Variants in CORO1C observed in about 807,000 individuals in gnomAD.
The protein encoded by CORO1C is coronin 1C.
A neutral mutation model predicts 51.2 loss-of-function variants in CORO1C; 14 were observed. That is an observed-to-expected ratio of 0.27 (90% confidence interval 0.18 to 0.43). The LOEUF (loss-of-function observed/expected upper bound fraction) is 0.43. Ranked by LOEUF, CORO1C falls within the 20% of genes least tolerant of loss-of-function variation. The pLI is 1.00. For missense variants in CORO1C, 417 were observed against 607.8 expected, an observed-to-expected ratio of 0.69 and a Z score of 3.30; for synonymous variants, 181 against 210.5, an observed-to-expected ratio of 0.86 and a Z score of 1.21.
chr12:108,718,970 CAAAT>C (rs1456284879), intron 1 of CORO1C, among the ~76,000 whole-genome samples: 3 of 152,208 alleles, frequency 2.0e-5, no homozygotes, highest in East Asian at 1.9e-4. Flanking sequence ...GAAGTGAAGA[CAAAT>C]AAACACGGCC....
At chr12:108,712,625 C>G (rs1443483732) in intron 1 of CORO1C, among the ~76,000 whole-genome samples, 2 of 139,486 alleles carry the variant, frequency 1.4e-5, no homozygotes, top group Non-Finnish European at 3.1e-5. Flanking sequence ...TATAAGCCTA[C>G]ATAGAATACA....
intron 1 of CORO1C, among the ~76,000 whole-genome samples, chr12:108,725,892 A>G (rs1202023287): frequency 1.3e-5 from 2 of 152,034 alleles, no homozygotes; most frequent in East Asian, 1.9e-4. Context: ...CTGGAGTGTG[A>G]TGGCGCAGTC....
chr12:108,727,366 A>C (rs1200019437), intron 1 of CORO1C, among the ~76,000 whole-genome samples: 1 of 152,236 alleles, frequency 6.6e-6, no homozygotes, highest in Non-Finnish European at 1.5e-5. Flanking sequence ...TAGAAGTAGA[A>C]AGGCGATGAA....
At chr12:108,703,085 A>G in intron 1 of CORO1C, 1 of 808,544 alleles carries the variant, frequency 1.2e-6, no homozygotes, top group South Asian at 2.3e-5. Context: ...AGGAAAGCAC[A>G]TCTATACAAA....
intron 7 of CORO1C, among the ~76,000 whole-genome samples, chr12:108,653,943 A>G (rs548920895): frequency 1.7e-4 from 26 of 152,364 alleles, no homozygotes; most frequent in African/African-American, 6.3e-4. Context: ...CATCCCTGAC[A>G]TAAGTACAGA....
Position 108,646,526 on chromosome 12 carries a change from A to G in CORO1C, c.*877T>C, listed in dbSNP as rs1429255606. ...CATGATGTTTAAAGTGATGAATGCA[A>G]TATGATCCTAGGTGTGTAACAAACT... On this transcript the variant is annotated 3_prime_UTR_variant, in exon 11 of 11. Transcript: ENST00000261401. 1 of 152,252 alleles carries G rather than the reference A, an allele frequency of 6.6e-6. No individual in the cohort carries two copies. The highest frequency in any genetic ancestry group is 2.4e-5 in the African/African-American group (1 of 41,466). The allele number at this position is 152,252 out of a possible 1,614,324, so 9.4% of individuals were successfully genotyped here. A position where few individuals can be genotyped will look rare whatever the true frequency, so the allele number is the denominator to read the frequency against.
chr12:108,691,539 C>T (rs1051098426), intron 2 of CORO1C, among the ~76,000 whole-genome samples: 1 of 152,190 alleles, frequency 6.6e-6, no homozygotes, highest in Non-Finnish European at 1.5e-5. Flanking sequence ...CAGACTGGCA[C>T]GCTCCACAAA....
intron 2 of CORO1C, among the ~76,000 whole-genome samples, chr12:108,699,634 G>A (rs2034802404): frequency 6.6e-6 from 1 of 152,140 alleles, no homozygotes; most frequent in Non-Finnish European, 1.5e-5. Flanking sequence ...GAAGGAATAA[G>A]CTAAAACAAT....
chr12:108,675,103 A>G (rs2033859222), intron 3 of CORO1C, among the ~76,000 whole-genome samples: 1 of 152,206 alleles, frequency 6.6e-6, no homozygotes, highest in Non-Finnish European at 1.5e-5. Flanking sequence ...CTCATCAGTC[A>G]GCAGCCATCA....
intron 2 of CORO1C, among the ~76,000 whole-genome samples, chr12:108,679,766 G>A (rs141752010): frequency 9.3e-4 from 141 of 152,278 alleles, no homozygotes; most frequent in African/African-American, 3.2e-3. Flanking sequence ...ACAGGTAAGG[G>A]TTCAAATCCA....
At chr12:108,701,526 C>A in intron 1 of CORO1C, 1 of 670,146 alleles carries the variant, frequency 1.5e-6, no homozygotes, top group Non-Finnish European at 2.4e-6. Context: ...GAAAGAATTA[C>A]AAAGAAATGA....
chr12:108,721,806 C>T (rs1417967412), intron 1 of CORO1C, among the ~76,000 whole-genome samples: 1 of 151,994 alleles, frequency 6.6e-6, no homozygotes, highest in Non-Finnish European at 1.5e-5. Flanking sequence ...TTATAAGATG[C>T]CCCAATTTAC....
At chr12:108,698,568 G>A (rs566284414) in intron 2 of CORO1C, among the ~76,000 whole-genome samples, 3 of 152,246 alleles carry the variant, frequency 2.0e-5, no homozygotes, top group South Asian at 2.1e-4. Flanking sequence ...CACCATGCCC[G>A]GCTAATTTTT....
Position 108,658,987 on chromosome 12 carries a change from C to A in CORO1C, c.449-68G>T. ...CCTATGTAACACACTCAGAAAACTA[C>A]AGATACAGTGAGAATACACATATGT... is the stretch of plus-strand genomic sequence containing the variant. On this transcript the variant is annotated intron_variant, in intron 4 of 10. Transcript: ENST00000261401. This position sits in a 1 kb window ranked among gnomAD's most constrained non-coding sequence, Gnocchi z 4.9. 1 of 1,498,926 alleles carries A rather than the reference C, an allele frequency of 6.7e-7. No individual in the cohort carries two copies. The allele number at this position is 1,498,926 out of a possible 1,614,324, so 92.9% of individuals were successfully genotyped here. A position where few individuals can be genotyped will look rare whatever the true frequency, so the allele number is the denominator to read the frequency against.
Position 108,731,087 on chromosome 12 carries a change from G to A in CORO1C, c.-6+342C>T. 1 of 153,418 alleles carries A rather than the reference G, an allele frequency of 6.5e-6. No individual in the cohort carries two copies. The highest frequency in any genetic ancestry group is 1.5e-5 in the Non-Finnish European group (1 of 68,926). The allele number at this position is 153,418 out of a possible 1,614,324, so 9.5% of individuals were successfully genotyped here. A position where few individuals can be genotyped will look rare whatever the true frequency, so the allele number is the denominator to read the frequency against. ...CCTGACCCCTAAAAGCCTTCCCTGGGCAGCCTCGTCCCACCTCGGCCCGCG... is the reference window on the plus strand; with the variant it reads ...CCTGACCCCTAAAAGCCTTCCCTGGACAGCCTCGTCCCACCTCGGCCCGCG... On this transcript the variant is annotated intron_variant, in intron 1 of 10. Transcript: ENST00000261401. The surrounding 1 kb of genome is among the most constrained non-coding windows in gnomAD (Gnocchi z 5.2).
At chr12:108,648,934 A>G (rs575578071) in intron 9 of CORO1C, 29 bp downstream of exon 9, 4 of 1,612,000 alleles carry the variant, frequency 2.5e-6, no homozygotes, top group Middle Eastern at 1.7e-4. Flanking sequence ...TGTTTAAAAT[A>G]TGGATTGTCT....
At chr12:108,670,561 C>A (rs189055489) in intron 3 of CORO1C, among the ~76,000 whole-genome samples, 1 of 152,206 alleles carries the variant, frequency 6.6e-6, no homozygotes, top group African/African-American at 2.4e-5. Flanking sequence ...GAAAGCAAGG[C>A]ACCATGTTTC....
chr12:108,725,640 G>A (rs11611236), intron 1 of CORO1C, among the ~76,000 whole-genome samples: 8,225 of 152,134 alleles, frequency 0.054, 627 homozygotes, highest in East Asian at 0.25. Context: ...AACTACAGAA[G>A]GTACCCATAG....
chr12:108,716,759 C>T (rs1180779581), intron 1 of CORO1C, among the ~76,000 whole-genome samples: 1 of 152,184 alleles, frequency 6.6e-6, no homozygotes, highest in Non-Finnish European at 1.5e-5. Context: ...GTCCACATCC[C>T]CCCCAGTAAA....
Sources: allele counts gnomAD v4.1 joint callset (sites outside exome capture counted in the v4.1 genomes callset), GRCh38; gene constraint gnomAD v4.1.1; non-coding constraint Gnocchi (gnomAD v3.1); transcripts MANE v1.5; gene names NCBI Gene and HGNC (gene_info 2026-07-23, HGNC 2026-07-21).